WWC1: variants seen among roughly 807,000 people sequenced by gnomAD.
WWC1 encodes protein KIBRA.
A neutral mutation model predicts 138.4 loss-of-function variants in WWC1; 55 were observed. That is an observed-to-expected ratio of 0.40 (90% CI 0.32 to 0.50). The LOEUF is 0.50. Among genes scored for constraint, WWC1 ranks in the 20% least tolerant of loss-of-function variants. The pLI is 0.72. For missense variants in WWC1, 1,226 were observed against 1,420.4 expected (o/e 0.86, Z 2.20); for synonymous variants, 524 against 564.9 (o/e 0.93, Z 1.03).
intron 15 of WWC1, among the ~76,000 whole-genome samples, chr5:168,432,577 C>T (rs141650975): frequency 6.6e-6 from 1 of 152,350 alleles, no homozygotes; most frequent in Non-Finnish European, 1.5e-5. Flanking sequence ...TTAATGATAA[C>T]TCAACTGTGG....
intron 15 of WWC1, among the ~76,000 whole-genome samples, chr5:168,439,820 C>T (rs79708219): frequency 0.021 from 3,266 of 152,226 alleles, 57 homozygotes; most frequent in East Asian, 0.053. Context: ...TTCCTTCCGT[C>T]GGGTTTCTGC....
At chr5:168,364,061 C>T (rs1172038644) in intron 1 of WWC1, among the ~76,000 whole-genome samples, 4 of 152,008 alleles carry the variant, frequency 2.6e-5, no homozygotes, top group Non-Finnish European at 5.9e-5. Context: ...TTGTCTTGTG[C>T]CAGTCCCGGC....
At chr5:168,320,871 T>A (rs192429365) in intron 1 of WWC1, among the ~76,000 whole-genome samples, 37 of 151,944 alleles carry the variant, frequency 2.4e-4, no homozygotes, top group African/African-American at 8.7e-4. Context: ...AATGAGTGAG[T>A]GCAGAACTGG....
At chr5:168,316,793 T>C (rs1014583459) in intron 1 of WWC1, 15 of 152,238 alleles carry the variant, frequency 9.9e-5, no homozygotes, top group Admixed American at 9.2e-4. Context: ...TGGGATTCCA[T>C]GAGGGAGTCA....
At chr5:168,293,059 G>A (rs747532626) in intron 1 of WWC1, among the ~76,000 whole-genome samples, 10 of 152,222 alleles carry the variant, frequency 6.6e-5, no homozygotes, top group Non-Finnish European at 1.3e-4. Flanking sequence ...CCCTGCACCA[G>A]CGGGACCTGA....
chr5:168,442,137 A>T (rs1012592961), intron 16 of WWC1, among the ~76,000 whole-genome samples: 2 of 152,194 alleles, frequency 1.3e-5, no homozygotes, highest in Non-Finnish European at 2.9e-5. Flanking sequence ...GAAGGTAAAA[A>T]ACTGTGGAAG....
At chr5:168,431,113 C>A in intron 14 of WWC1, 139 bp from the exon 15 acceptor site, 1 of 727,924 alleles carries the variant, frequency 1.4e-6, no homozygotes, top group Non-Finnish European at 2.3e-6. Flanking sequence ...TGTATAGGGG[C>A]CTGATTCCCC....
intron 9 of WWC1, among the ~76,000 whole-genome samples, chr5:168,421,302 A>G (rs981544541): frequency 5.3e-5 from 8 of 152,202 alleles, no homozygotes; most frequent in African/African-American, 1.7e-4. Flanking sequence ...AAGGCTGGGA[A>G]AATGGTGGAG....
chr5:168,368,911 C>T (rs1776527760), intron 1 of WWC1, among the ~76,000 whole-genome samples: 1 of 152,152 alleles, frequency 6.6e-6, no homozygotes, highest in South Asian at 2.1e-4. Context: ...AGCAGATGCT[C>T]CTGAACCAAG....
intron 15 of WWC1, among the ~76,000 whole-genome samples, chr5:168,436,027 GA>G (rs1162272350): frequency 1.3e-5 from 2 of 152,092 alleles, no homozygotes; most frequent in Non-Finnish European, 2.9e-5. Flanking sequence ...ATTTTTATTA[GA>G]GATGGGGTTT....
chr5:168,371,300 T>TCTGTTG (rs1343998045), intron 1 of WWC1, 124 bp from the exon 2 acceptor site: 1 of 646,266 alleles, frequency 1.5e-6, no homozygotes, highest in Non-Finnish European at 2.8e-6. Flanking sequence ...CTGGTGCTGC[T>TCTGTTG]GTGGTGTAAA....
chr5:168,425,130 G>C (rs916762801), intron 11 of WWC1, among the ~76,000 whole-genome samples: 1 of 152,180 alleles, frequency 6.6e-6, no homozygotes, highest in African/African-American at 2.4e-5. Context: ...ACTTGCCTTA[G>C]GTCACCCAGC....
At chr5:168,448,312 T>C (rs555641920) in intron 17 of WWC1, among the ~76,000 whole-genome samples, 53 of 152,334 alleles carry the variant, frequency 3.5e-4, no homozygotes, top group Middle Eastern at 3.4e-3. Context: ...CAGTCCTTCC[T>C]CGGCACCCAA....
intron 5 of WWC1, among the ~76,000 whole-genome samples, chr5:168,404,887 C>CT (rs34102475): frequency 2.6e-3 from 372 of 140,672 alleles, no homozygotes; most frequent in African/African-American, 4.9e-3. Context: ...TGTCAGGACA[C>CT]TTTTTTTTTT....
chr5:168,298,655 AGTC>A (rs1236644768), intron 1 of WWC1, among the ~76,000 whole-genome samples: 2 of 152,214 alleles, frequency 1.3e-5, no homozygotes, highest in African/African-American at 4.8e-5. Flanking sequence ...ATAAAATAAT[AGTC>A]AATACCAGCA....
chr5:168,375,655 A>G (rs919452684), intron 2 of WWC1, among the ~76,000 whole-genome samples: 6 of 151,886 alleles, frequency 4.0e-5, no homozygotes, highest in South Asian at 4.2e-4. Flanking sequence ...TCTCACTGCA[A>G]CCTCCACCTT....
intron 9 of WWC1, chr5:168,414,878 T>G: frequency 3.0e-6 from 1 of 332,514 alleles, no homozygotes; most frequent in Non-Finnish European, 5.0e-6. Context: ...CACATAACTC[T>G]ATATAACTTA....
At chr5:168,421,875 T>C in intron 9 of WWC1, 133 bp from the exon 10 acceptor site, 1 of 651,492 alleles carries the variant, frequency 1.5e-6, no homozygotes, top group Non-Finnish European at 2.8e-6. Context: ...ATGTGGAAGC[T>C]CTAGCTCCCC....
chr5:168,389,917 A>G (rs571635967), intron 3 of WWC1, among the ~76,000 whole-genome samples: 1 of 152,302 alleles, frequency 6.6e-6, no homozygotes, highest in South Asian at 2.1e-4. Context: ...ATTTTGTCAT[A>G]AGTGTCATAG....
Sources: allele counts gnomAD v4.1 joint callset (sites outside exome capture counted in the v4.1 genomes callset), GRCh38; gene constraint gnomAD v4.1.1; transcripts MANE v1.5; gene names NCBI Gene and HGNC (gene_info 2026-07-23, HGNC 2026-07-21).